Variants in KANTR observed in about 807,000 individuals in gnomAD.
KANTR encodes KDM5C adjacent transcript.
chrX:53,110,498 T>G (rs1160339984), intron 2 of KANTR, among the ~76,000 whole-genome samples: 12 of 112,420 alleles, frequency 1.1e-4, no homozygotes, highest in African/African-American at 3.9e-4. Context: ...ATCCATTTAA[T>G]GTACTGTTAA....
intron 2 of KANTR, among the ~76,000 whole-genome samples, chrX:53,133,030 G>A (rs1556817203): frequency 9.0e-6 from 1 of 110,625 alleles, no homozygotes; most frequent in East Asian, 2.8e-4. Context: ...TCGGGGAGTC[G>A]GGAGGAATGG....
chrX:53,118,202 C>G (rs1933162624), intron 2 of KANTR, among the ~76,000 whole-genome samples: 1 of 111,616 alleles, frequency 9.0e-6, no homozygotes, highest in Admixed American at 9.5e-5. Flanking sequence ...AATAGGTCAT[C>G]CAAAAGTTCG....
At chrX:53,142,864 TA>T, downstream of KANTR, 1 of 516,618 alleles carries the variant, frequency 1.9e-6, no homozygotes. Flanking sequence ...GCCACATACC[TA>T]ATTGCTAATC....
intron 2 of KANTR, among the ~76,000 whole-genome samples, chrX:53,139,645 C>T (rs1933474809): frequency 9.0e-6 from 1 of 111,493 alleles, no homozygotes; most frequent in Non-Finnish European, 1.9e-5. Context: ...CAACATGACC[C>T]TGTCTCTAGA....
At chrX:53,141,573 C>T (rs1335782951) in intron 2 of KANTR, among the ~76,000 whole-genome samples, 3 of 109,225 alleles carry the variant, frequency 2.7e-5, no homozygotes, top group Non-Finnish European at 5.7e-5. Context: ...TTTTACCTTC[C>T]CTCCCTCCCT....
chrX:53,145,499 C>G (rs962725101), downstream of KANTR, among the ~76,000 whole-genome samples: 1 of 111,773 alleles, frequency 8.9e-6, no homozygotes, highest in Admixed American at 9.5e-5. Flanking sequence ...TAAAGCGGCC[C>G]GGAAGCTCGA....
downstream of KANTR, among the ~76,000 whole-genome samples, chrX:53,145,418 T>G (rs782701950): frequency 9.0e-6 from 1 of 111,716 alleles, no homozygotes; most frequent in Non-Finnish European, 1.9e-5. Context: ...AGCACAGCAG[T>G]CTGAGCTCAA....
At chrX:53,095,368 C>A (rs888929908) in intron 1 of KANTR, among the ~76,000 whole-genome samples, 1 of 111,056 alleles carries the variant, frequency 9.0e-6, no homozygotes, top group African/African-American at 3.3e-5. Context: ...TCCCTCCATT[C>A]TCATCCTGGC....
At chrX:53,110,898 G>A (rs1446402088) in intron 2 of KANTR, among the ~76,000 whole-genome samples, 2 of 108,833 alleles carry the variant, frequency 1.8e-5, no homozygotes, top group South Asian at 8.2e-4. Context: ...ACTCCAGCCT[G>A]AGTGACAGAG....
chrX:53,096,428 T>C (rs1408865990), intron 1 of KANTR, among the ~76,000 whole-genome samples: 1 of 112,475 alleles, frequency 8.9e-6, no homozygotes, highest in African/African-American at 3.2e-5. Context: ...GGTATGATTC[T>C]TTGTGGTGTG....
chrX:53,122,947 G>A (rs1933246250), intron 2 of KANTR, among the ~76,000 whole-genome samples: 2 of 111,922 alleles, frequency 1.8e-5, no homozygotes, highest in South Asian at 7.4e-4. Flanking sequence ...GACTCAGAGT[G>A]TTCCCTCTTT....
At chrX:53,105,929 C>T (rs1375522438) in intron 2 of KANTR, among the ~76,000 whole-genome samples, 1 of 95,091 alleles carries the variant, frequency 1.1e-5, no homozygotes, top group Non-Finnish European at 2.0e-5. Context: ...GCGATCTCGG[C>T]TCACTGCAAG....
rs1363711348 is a variant in KANTR, at chrX:53,110,501, A to C, written c.-805+10893A>C. Among the ~76,000 whole-genome samples, 3 of 112,138 alleles carry C rather than the reference A, an allele frequency of 2.7e-5. No homozygotes were observed. The Admixed American group carries it at 2.8e-4, about 11-fold the overall frequency. On this transcript the variant is annotated intron_variant, in intron 2 of 2. Coordinates refer to ENST00000604062, the Ensembl canonical transcript of KANTR. The stretch of plus-strand genomic sequence containing the variant: ...TCATAGTAAATGATCCATTTAATGT[A>C]CTGTTAAATATGGTTTCCAGTACTT...
chrX:53,119,540 C>A (rs782497510), intron 2 of KANTR, among the ~76,000 whole-genome samples: 1 of 111,332 alleles, frequency 9.0e-6, no homozygotes, highest in African/African-American at 3.3e-5. Context: ...CATTCCATAT[C>A]CATATAGATC....
At chrX:53,128,265 T>C (rs782701278), downstream of KANTR, among the ~76,000 whole-genome samples, 17 of 111,717 alleles carry the variant, frequency 1.5e-4, no homozygotes, top group Non-Finnish European at 2.4e-4. Context: ...GGCCTCCTGC[T>C]GTACACTGAA....
intron 2 of KANTR, among the ~76,000 whole-genome samples, chrX:53,138,597 C>T (rs1394036631): frequency 3.7e-5 from 4 of 108,584 alleles, no homozygotes; most frequent in Non-Finnish European, 3.8e-5. Flanking sequence ...CCCAGCTCCT[C>T]GGGAGGCTGA....
At chrX:53,146,976 A>G (rs1238341620), downstream of KANTR, among the ~76,000 whole-genome samples, 1 of 112,220 alleles carries the variant, frequency 8.9e-6, no homozygotes, top group Admixed American at 9.5e-5. Flanking sequence ...AGCACTAAAC[A>G]TGGAAAGGAA....
chrX:53,095,009 AG>A (rs1398773645), intron 1 of KANTR, among the ~76,000 whole-genome samples: 2 of 111,736 alleles, frequency 1.8e-5, no homozygotes, highest in African/African-American at 6.5e-5. Flanking sequence ...CATAGTTTAT[AG>A]CAATAAGTTT....
chrX:53,101,774 G>A (rs1215549164), intron 2 of KANTR, among the ~76,000 whole-genome samples: 1 of 111,980 alleles, frequency 8.9e-6, no homozygotes, highest in East Asian at 2.8e-4. Flanking sequence ...GAGGTGGGTG[G>A]ATTGCTTGAC....
Sources: allele counts gnomAD v4.1 joint callset (sites outside exome capture counted in the v4.1 genomes callset), GRCh38; gene constraint gnomAD v4.1.1; transcripts MANE v1.5; gene names NCBI Gene and HGNC (gene_info 2026-07-23, HGNC 2026-07-21).